The following ECE1 variants were observed in gnomAD, a reference collection of about 807,000 sequenced individuals.
ECE1 encodes the protein endothelin converting enzyme 1.
ECE1 carries 35 observed loss-of-function variants against 98.6 expected under a neutral mutation model. That is an observed-to-expected ratio of 0.35 (90% CI 0.27 to 0.47). The LOEUF is 0.47. ECE1 is among the 20% of genes least tolerant of loss of function. The pLI is 1.00. For missense variants in ECE1, 814 were observed against 1,025.3 expected (o/e 0.79, Z 2.81); for synonymous variants, 394 against 407.1 (o/e 0.97, Z 0.39).
At position 21,225,538 on chromosome 1, in the gene ECE1, AC is replaced by A; in HGVS notation, c.1850-99del. 3.6e-6 allele frequency: 5 copies of A among 1,405,344 alleles called. No homozygotes were observed. The highest frequency in any genetic ancestry group is 2.0e-5 in the Admixed American group (1 of 49,824). The allele number at this position is 1,405,344 out of a possible 1,614,324, so 87.1% of individuals were successfully genotyped here. A position where few individuals can be genotyped will look rare whatever the true frequency, so the allele number is the denominator to read the frequency against. On this transcript the variant is annotated intron_variant, in intron 16 of 18. Transcript: ENST00000374893. This position sits in a 1 kb window ranked among gnomAD's most constrained non-coding sequence, Gnocchi z 5.3. ...CTGGTGAGAAGCGGTTCATCCGTCC[AC>A]CCCCGTCCTCCAGCCACCATGGGGA...
rs142789576 is a variant in ECE1, at chr1:21,244,012, C to T, written c.1278+977G>A. 5.0e-3 allele frequency among the ~76,000 whole-genome samples: 757 copies of T among 152,270 alleles called. 6 individuals are homozygous for T. The highest frequency in any genetic ancestry group is 0.017 in the African/African-American group (719 of 41,540). On this transcript the variant is annotated intron_variant, in intron 10 of 18. Coordinates refer to ENST00000374893, the MANE Select transcript of ECE1 (RefSeq NM_001397.3). ...GCATTCCAGGGCTCGAAGCAGGAGCCCACATCCTGCCATTCTCTGCCAATC... is the reference window on the plus strand; with the variant it reads ...GCATTCCAGGGCTCGAAGCAGGAGCTCACATCCTGCCATTCTCTGCCAATC...
intron 8 of ECE1, among the ~76,000 whole-genome samples, chr1:21,252,017 G>C (rs1418641218): frequency 6.6e-6 from 1 of 152,186 alleles, no homozygotes; most frequent in Non-Finnish European, 1.5e-5. Flanking sequence ...AGAGCCACCT[G>C]ACTGCATGAC....
At chr1:21,227,488 T>C (rs2098175846) in intron 15 of ECE1, among the ~76,000 whole-genome samples, 1 of 152,198 alleles carries the variant, frequency 6.6e-6, no homozygotes, top group African/African-American at 2.4e-5. Context: ...AACTGTCCTC[T>C]TCAGTCATTG....
chr1:21,283,158 G>T (rs12757671), intron 2 of ECE1, among the ~76,000 whole-genome samples: 11,812 of 152,022 alleles, frequency 0.078, 623 homozygotes, highest in Middle Eastern at 0.13. Context: ...AGCCAGGATG[G>T]TCTCAATCAA....
At chr1:21,297,842 GT>G (rs761057865) in intron 1 of ECE1, among the ~76,000 whole-genome samples, 19 of 132,466 alleles carry the variant, frequency 1.4e-4, no homozygotes, top group Non-Finnish European at 1.5e-4. Context: ...TGTTGTTGTT[GT>G]TTTTTTTTTT....
At chr1:21,341,281 C>T (rs2103421213) in intron 1 of ECE1, among the ~76,000 whole-genome samples, 2 of 152,354 alleles carry the variant, frequency 1.3e-5, no homozygotes, top group East Asian at 3.8e-4. Flanking sequence ...ACCACGGCCC[C>T]CATGCCTCGT....
intron 3 of ECE1, among the ~76,000 whole-genome samples, chr1:21,274,738 G>C (rs1275241384): frequency 6.6e-6 from 1 of 152,188 alleles, no homozygotes; most frequent in East Asian, 1.9e-4. Flanking sequence ...AAAGGGCTCA[G>C]AGCAGCTGCA....
At chr1:21,237,277 C>T (rs769009830) in intron 11 of ECE1, among the ~76,000 whole-genome samples, 2 of 152,212 alleles carry the variant, frequency 1.3e-5, no homozygotes, top group African/African-American at 2.4e-5. Flanking sequence ...GGAGCAGCTT[C>T]GGAAATACCA....
At chr1:21,272,989 C>T in intron 3 of ECE1, 78 bp from the exon 4 acceptor site, 2 of 1,526,326 alleles carry the variant, frequency 1.3e-6, no homozygotes, top group Non-Finnish European at 1.8e-6. Context: ...GGGCTTGGGG[C>T]CCAGGGGCCA....
At chr1:21,245,828 C>T (rs2098202670) in intron 9 of ECE1, among the ~76,000 whole-genome samples, 1 of 152,102 alleles carries the variant, frequency 6.6e-6, no homozygotes, top group African/African-American at 2.4e-5. Context: ...GAAAAGGAGA[C>T]TAGACATTTA....
chr1:21,303,162 GC>G (rs760964606), intron 1 of ECE1, among the ~76,000 whole-genome samples: 10 of 152,194 alleles, frequency 6.6e-5, no homozygotes, highest in African/African-American at 9.7e-5. Flanking sequence ...CATGCAAAGT[GC>G]CCGAGCCAGG....
intron 10 of ECE1, 22 bp from the exon 11 acceptor site, chr1:21,238,266 G>A (rs367733170): frequency 2.5e-5 from 40 of 1,587,722 alleles, no homozygotes; most frequent in Non-Finnish European, 2.8e-5. Context: ...AAGTCAGGGG[G>A]CTCGCTGGGC....
In ECE1 at chr1:21,279,176, C is replaced by T. The variant is rs1211228280; in HGVS notation, c.280+15G>A. 6.2e-7 allele frequency: 1 copy of T among 1,614,036 alleles called. No individual in the cohort carries two copies. Among genetic ancestry groups the T allele is most frequent in the African/African-American group, 1.3e-5 (1 of 74,934 alleles). On this transcript the variant is annotated intron_variant, in intron 3 of 18. Transcript: ENST00000374893. ...GGAGTGAGTCAAGCCCACCATGCAACACGAAGGCACCTACTTGTCTGGTAC... is the reference window on the plus strand; with the variant it reads ...GGAGTGAGTCAAGCCCACCATGCAATACGAAGGCACCTACTTGTCTGGTAC...
At chr1:21,284,002 G>C (rs1489806202) in intron 2 of ECE1, among the ~76,000 whole-genome samples, 1 of 152,216 alleles carries the variant, frequency 6.6e-6, no homozygotes, top group East Asian at 1.9e-4. Context: ...AGAGGTACTA[G>C]GCCAGGATCA....
At chr1:21,318,940 C>T (rs532443051) in intron 1 of ECE1, among the ~76,000 whole-genome samples, 4 of 152,276 alleles carry the variant, frequency 2.6e-5, no homozygotes, top group South Asian at 2.1e-4. Context: ...GAATACTATC[C>T]GAAAATGCTT....
At chr1:21,255,716 G>A (rs2098219009) in intron 8 of ECE1, among the ~76,000 whole-genome samples, 1 of 152,208 alleles carries the variant, frequency 6.6e-6, no homozygotes. Context: ...GCAGCCTGGT[G>A]TCGGCCAGGC....
intron 10 of ECE1, among the ~76,000 whole-genome samples, chr1:21,243,575 T>C (rs1342911675): frequency 1.3e-5 from 2 of 152,180 alleles, no homozygotes; most frequent in Non-Finnish European, 2.9e-5. Context: ...TGAGCCTCAG[T>C]TTCCTCATCT....
intron 1 of ECE1, chr1:21,299,797 T>C (rs747690774): frequency 6.6e-6 from 1 of 152,384 alleles, no homozygotes; most frequent in East Asian, 1.9e-4. Context: ...AATATTATTG[T>C]CATTTATGGG....
At chr1:21,337,628 A>G (rs919875382) in intron 1 of ECE1, among the ~76,000 whole-genome samples, 8 of 152,202 alleles carry the variant, frequency 5.3e-5, no homozygotes, top group African/African-American at 1.7e-4. Flanking sequence ...AGTCATGACA[A>G]TAACAGCAGG....
Sources: gnomAD v4.1 joint callset for allele counts (sites outside exome capture counted in the v4.1 genomes callset) on GRCh38, gnomAD v4.1.1 for gene constraint, Gnocchi (gnomAD v3.1) non-coding constraint, MANE v1.5 for transcripts, NCBI Gene and HGNC (gene_info 2026-07-23, HGNC 2026-07-21) for gene names.